The following KRT31 variants were observed in gnomAD, a reference collection of about 807,000 sequenced individuals.
The protein encoded by KRT31 is keratin 31.
KRT31 carries 27 observed loss-of-function variants against 40.8 expected under a neutral mutation model. That is an observed-to-expected ratio of 0.66 (90% CI 0.49 to 0.91). The LOEUF is 0.91. Among genes scored for constraint, KRT31 ranks in the 40% least tolerant of loss-of-function variants. The probability of loss-of-function intolerance (pLI) is 0.00; values close to 1 mark genes in which losing one functional copy is unlikely to be tolerated. For synonymous variants in KRT31, 231 were observed against 231.9 expected (o/e 1.00, Z 0.03); for missense variants, 510 against 544.1 (o/e 0.94, Z 0.62).
Position 41,397,222 on chromosome 17 carries a change from A to G in KRT31, c.318T>C (p.Tyr106=). 1.2e-6 allele frequency: 2 copies of G among 1,614,206 alleles called. No homozygotes were observed. Among genetic ancestry groups the G allele is most frequent in the Non-Finnish European group, 1.7e-6 (2 of 1,180,030 alleles). The part of the protein sequence containing the change: ...EPLLCPSYQS[Y]FKTIEELQQK... ...GCTGGAGCTCCTCAATGGTCTTAAA[A>G]TAGGACTGGTAACTGGGGCACAGCA... Residue 106 remains tyrosine, a synonymous_variant, in exon 1 of 7, where the codon TAT becomes TAC. Transcript: ENST00000251645.
intron 6 of KRT31, 49 bp downstream of exon 6, chr17:41,394,799 A>G (rs1433259944): frequency 1.2e-6 from 2 of 1,608,316 alleles, no homozygotes; most frequent in Admixed American, 3.3e-5. Flanking sequence ...TCTAACTGTT[A>G]CACTCACACG....
At position 41,397,429 on chromosome 17, in the gene KRT31, G is replaced by A. The variant is rs1487300280; in HGVS notation, c.111C>T (p.Ile37=). 9 of 1,612,990 alleles carry A rather than the reference G, an allele frequency of 5.6e-6. No individual in the cohort carries two copies. The highest frequency in any genetic ancestry group is 7.6e-6 in the Non-Finnish European group (9 of 1,180,014). The part of the protein sequence containing the change: ...HSCTLPGACN[I]PANVSNCNWF... Reference sequence around the variant, plus strand: ...AGTTGCAGTTGCTCACATTGGCGGGGATGTTGCAGGCCCCGGGCAGGGTGC... The same window carrying A: ...AGTTGCAGTTGCTCACATTGGCGGGAATGTTGCAGGCCCCGGGCAGGGTGC... The change falls in exon 1 of 7, where the codon ATC becomes ATT. Residue 37 remains isoleucine (I), a synonymous_variant. Transcript: ENST00000251645.
chr17:41,396,855 T>C (rs2144359545), intron 2 of KRT31, 58 bp downstream of exon 2: 2 of 1,410,232 alleles, frequency 1.4e-6, no homozygotes, highest in Non-Finnish European at 2.0e-6. Flanking sequence ...TGGAAATCCC[T>C]TTTCTTTAAA....
Position 41,396,585 on chromosome 17 carries a change from G to A in KRT31, c.432-9C>T. ...ACAGCTCGGTCTGGTACCTGCGCAAGGACAGGGTCAGAGTACTACCTGGTA... is the reference window on the plus strand; with the variant it reads ...ACAGCTCGGTCTGGTACCTGCGCAAAGACAGGGTCAGAGTACTACCTGGTA... On this transcript the variant is annotated splice_polypyrimidine_tract_variant and intron_variant, in intron 2 of 6. Coordinates refer to ENST00000251645, the MANE Select transcript of KRT31 (RefSeq NM_002277.3). 2 of 1,612,654 alleles carry A rather than the reference G, an allele frequency of 1.2e-6. No individual in the cohort carries two copies. Among genetic ancestry groups the A allele is most frequent in the Non-Finnish European group, 8.5e-7 (1 of 1,179,122 alleles).
rs144617144 is a variant in KRT31, at chr17:41,396,516, C to G, written c.492G>C (p.Arg164Ser). 1.4e-5 allele frequency: 23 copies of G among 1,614,094 alleles called. No individual in the cohort carries two copies. Among genetic ancestry groups the G allele is most frequent in the African/African-American group, 2.7e-5 (2 of 74,930 alleles). ...TGCACAGGGTCAGCTCATCCAGGAT[C>G]CTGCGCAGACCGTTGATGTCCGACT... ...LVESDINGLR[R>S]ILDELTLCKS... is the part of the protein sequence containing the mutation. The change falls in exon 3 of 7, where the codon AGG becomes AGC. Residue 164 changes from arginine to serine, a missense_variant. By Grantham distance (110) the Arg-to-Ser change is moderately radical (BLOSUM62 -1). Coordinates refer to ENST00000251645, the MANE Select transcript of KRT31 (RefSeq NM_002277.3).
Position 41,395,060 on chromosome 17 carries a change from A to G in KRT31, c.885T>C (p.Ser295=). 1 of 1,614,198 alleles carries G rather than the reference A, an allele frequency of 6.2e-7. No individual in the cohort carries two copies. The highest frequency in any genetic ancestry group is 8.5e-7 in the Non-Finnish European group (1 of 1,180,022). Residue 295 remains serine (S), a synonymous_variant, in exon 6 of 7, where the codon TCT becomes TCC. Coordinates refer to ENST00000251645, the MANE Select transcript of KRT31 (RefSeq NM_002277.3). ...ELQAQHNLRD[S]LENTLTESEA... is the part of the protein sequence containing the mutation. ...CACTCTCTGTCAGCGTGTTTTCCAG[A>G]GAGTCTCGCTGTGGTGGAGAAGATT...
intron 2 of KRT31, 142 bp from the exon 3 acceptor site, chr17:41,396,718 A>G: frequency 4.7e-6 from 5 of 1,053,860 alleles, no homozygotes; most frequent in Non-Finnish European, 5.4e-6. Context: ...GGCTCCATCA[A>G]TACCCAATAT....
At chr17:41,396,681 T>C (rs1395057687) in intron 2 of KRT31, 105 bp from the exon 3 acceptor site, 1 of 1,334,726 alleles carries the variant, frequency 7.5e-7, no homozygotes, top group Non-Finnish European at 1.0e-6. Context: ...CTGTAATGAA[T>C]AGGCCCAGGA....
At chr17:41,396,353 A>C in intron 3 of KRT31, 67 bp downstream of exon 3, 1 of 1,521,618 alleles carries the variant, frequency 6.6e-7, no homozygotes, top group African/African-American at 1.4e-5. Context: ...CTGCTGCCCC[A>C]AATCACTAAA....
In KRT31 at chr17:41,397,024, A is replaced by G. The variant is rs192604188; in HGVS notation, c.349-29T>C. The G allele has an allele frequency of 1.3e-4, 202 of 1,592,772 alleles. 3 individuals are homozygous for G. In the East Asian group the frequency reaches 2.8e-3, roughly 22 times the overall value. On this transcript the variant is annotated intron_variant, in intron 1 of 6. Transcript: ENST00000251645. ...GGGAGTGAGAGGTGGCTTAGTGAGGACTGAAAATAAATATGAAATCATCAA... is the reference window on the plus strand; with the variant it reads ...GGGAGTGAGAGGTGGCTTAGTGAGGGCTGAAAATAAATATGAAATCATCAA...
chr17:41,397,471 G>A lies in KRT31; in HGVS notation c.69C>T (p.Pro23=), dbSNP rs767896177. 1.5e-5 allele frequency: 25 copies of A among 1,613,164 alleles called. No individual in the cohort carries two copies. Among genetic ancestry groups the A allele is most frequent in the Middle Eastern group, 1.8e-4 (1 of 5,506 alleles). The change falls in exon 1 of 7, where the codon CCC becomes CCT. Residue 23 remains proline (P), a synonymous_variant. Transcript: ENST00000251645. The stretch of plus-strand genomic sequence containing the variant: ...GCAGGGTGCAGCTGTGGCAGCTGGG[G>A]GGCACGCAGGGCCGGGAGGAGCAGC... ...RTSCSSRPCV[P]PSCHSCTLPG...
chr17:41,395,445 C>G lies in KRT31; in HGVS notation c.750+17G>C, dbSNP rs373038940. The G allele has an allele frequency of 2.3e-5, 37 of 1,613,900 alleles. No individual in the cohort carries two copies. Among genetic ancestry groups the G allele is most frequent in the Non-Finnish European group, 3.0e-5 (35 of 1,179,938 alleles). On this transcript the variant is annotated intron_variant, in intron 4 of 6. Transcript: ENST00000251645. ...GGGGGCCTTGGGTCCTGAGGGGCCACGTGCTTAGATGCCCACCTGCGTGGT... is the reference window on the plus strand; with the variant it reads ...GGGGGCCTTGGGTCCTGAGGGGCCAGGTGCTTAGATGCCCACCTGCGTGGT...
chr17:41,394,299 A>G (rs1297880755), intron 6 of KRT31, 130 bp from the exon 7 acceptor site: 15 of 871,228 alleles, frequency 1.7e-5, no homozygotes, highest in Non-Finnish European at 2.5e-5. Flanking sequence ...AAAGGCACAG[A>G]CTCCCCTGCT....
Position 41,394,837 on chromosome 17 carries a change from C to T in KRT31, c.1097+11G>A, listed in dbSNP as rs766584606. The T allele has an allele frequency of 1.5e-5, 24 of 1,613,830 alleles. No homozygotes were observed. In the South Asian group the frequency reaches 2.1e-4, roughly 14 times the overall value. The stretch of plus-strand genomic sequence containing the variant: ...CATCATTTCATCAAACACGTCTGCC[C>T]ATGTACTCACTTGCAGTCCTCGCTC... On this transcript the variant is annotated intron_variant, in intron 6 of 6. Coordinates refer to ENST00000251645, the MANE Select transcript of KRT31 (RefSeq NM_002277.3).
At position 41,394,138 on chromosome 17, in the gene KRT31, CGTTG is replaced by C. The variant is rs1239982504; in HGVS notation, c.1125_1128del (p.Asn376ArgfsTer43). ...CAGGGTCCGATGGGCTTGCTGCACG[CGTTG>C]GTCGTGGCACAGGGATTGCTGGGCA... On this transcript the variant is annotated frameshift_variant, in exon 7 of 7. Coordinates refer to ENST00000251645, the MANE Select transcript of KRT31 (RefSeq NM_002277.3). LOFTEE classifies it low-confidence loss of function (END_TRUNC). 17 of 1,611,886 alleles carry C rather than the reference CGTTG, an allele frequency of 1.1e-5. No homozygotes were observed. The highest frequency in any genetic ancestry group is 1.3e-5 in the Non-Finnish European group (15 of 1,179,218).
intron 5 of KRT31, 33 bp downstream of exon 5, chr17:41,395,212 C>T (rs761099800): frequency 1.7e-5 from 27 of 1,612,274 alleles, no homozygotes; most frequent in Middle Eastern, 2.0e-4. Flanking sequence ...CCCAAGTTCC[C>T]GTCGCTCACC....
At chr17:41,396,013 G>C (rs902843594) in intron 3 of KRT31, among the ~76,000 whole-genome samples, 1 of 151,784 alleles carries the variant, frequency 6.6e-6, no homozygotes. Context: ...TCCCAAGAGA[G>C]AGGAAGAATC....
At position 41,393,991 on chromosome 17, in the gene KRT31, T is replaced by C; in HGVS notation, c.*25A>G. 2 of 1,610,458 alleles carry C rather than the reference T, an allele frequency of 1.2e-6. No homozygotes were observed. The highest frequency in any genetic ancestry group is 1.7e-6 in the Non-Finnish European group (2 of 1,179,132). ...CTCTGGAGTCCTGGGCCCTGCATCC[T>C]TGCTCCTCTGGCATTCCCTAGGTTC... On this transcript the variant is annotated 3_prime_UTR_variant, in exon 7 of 7. Coordinates refer to ENST00000251645, the MANE Select transcript of KRT31 (RefSeq NM_002277.3).
Position 41,395,281 on chromosome 17 carries a change from G to A in KRT31, c.840C>T (p.Asn280=), listed in dbSNP as rs6503626. 2.1e-3 allele frequency: 3,377 copies of A among 1,612,858 alleles called. 60 individuals are homozygous for A. The African/African-American group carries it at 0.038, about 18-fold the overall frequency. The change falls in exon 5 of 7, where the codon AAC becomes AAT. Residue 280 remains asparagine (N), a synonymous_variant. Coordinates refer to ENST00000251645, the MANE Select transcript of KRT31 (RefSeq NM_002277.3). ...AEIIELRRTV[N]ALEIELQAQH... is the part of the protein sequence containing the mutation. ...GGGCCTGCAGCTCGATCTCCAGGGC[G>A]TTGACTGTGCGTCTCAGCTCGATGA...
Sources: gnomAD v4.1 joint callset for allele counts (sites outside exome capture counted in the v4.1 genomes callset) on GRCh38, gnomAD v4.1.1 for gene constraint, MANE v1.5 for transcripts, NCBI Gene and HGNC (gene_info 2026-07-23, HGNC 2026-07-21) for gene names.